The following VWF variants were observed in gnomAD, a reference collection of about 807,000 sequenced individuals.
The protein encoded by VWF is von Willebrand factor, also known as Factor VIII related antigen.
In VWF, 176 loss-of-function variants were observed where a neutral mutation model predicts 308.6. That is an observed-to-expected ratio of 0.57 (90% CI 0.50 to 0.65). VWF has a LOEUF of 0.65. Ranked by LOEUF, VWF falls within the 30% of genes least tolerant of loss-of-function variation. The pLI is 0.00. For missense variants in VWF, 3,146 were observed against 3,648.2 expected, an observed-to-expected ratio of 0.86 and a Z score of 3.55; for synonymous variants, 1,385 against 1,443.4, an observed-to-expected ratio of 0.96 and a Z score of 0.92.
At chr12:6,103,425 T>TACAC (rs568697875) in intron 5 of VWF, among the ~76,000 whole-genome samples, 1 of 118,162 alleles carries the variant, frequency 8.5e-6, no homozygotes, top group African/African-American at 5.2e-5. Context: ...CGTGTGTGTA[T>TACAC]ACACACGTGT....
In VWF at chr12:5,971,698, G is replaced by C; in HGVS notation, c.7449C>G (p.Tyr2483Ter). 2 of 1,614,148 alleles carry C rather than the reference G, an allele frequency of 1.2e-6. No homozygotes were observed. Among genetic ancestry groups the C allele is most frequent in the Non-Finnish European group, 1.7e-6 (2 of 1,180,002 alleles). ...CACAGCACTCGCCTTCATGCAGAAC[G>C]TAAGTGAAGCCCTGGAAAAGCAGAA... ...CEDSCRSGFT[Y>*]VLHEGECCGR... The change falls in exon 44 of 52, where the codon TAC (tyrosine) becomes TAG (stop). Residue 2483 changes from tyrosine (Y) to a stop codon, truncating the protein, a stop_gained. Transcript: ENST00000261405. LOFTEE classifies it high-confidence loss of function.
At chr12:5,972,111 C>A (rs1278312047) in intron 43 of VWF, among the ~76,000 whole-genome samples, 1 of 152,232 alleles carries the variant, frequency 6.6e-6, no homozygotes, top group Non-Finnish European at 1.5e-5. Flanking sequence ...TCTCGCAGGG[C>A]TAGCCTCCCA....
At chr12:5,998,890 G>A (rs931525590) in intron 34 of VWF, among the ~76,000 whole-genome samples, 1 of 152,032 alleles carries the variant, frequency 6.6e-6, no homozygotes, top group Non-Finnish European at 1.5e-5. Flanking sequence ...CACCACACCT[G>A]GCTAACTTTT....
At chr12:6,095,866 A>C in intron 5 of VWF, 1 of 416,872 alleles carries the variant, frequency 2.4e-6, no homozygotes, top group Non-Finnish European at 4.5e-6. Flanking sequence ...AGGCCCCCAT[A>C]TTGATGCATA....
intron 47 of VWF, among the ~76,000 whole-genome samples, chr12:5,957,778 T>C (rs1013815473): frequency 6.6e-6 from 1 of 152,114 alleles, no homozygotes; most frequent in Non-Finnish European, 1.5e-5. Context: ...TGATATAATA[T>C]GGAAATTCAG....
chr12:5,962,241 A>G (rs1036864718), intron 47 of VWF, among the ~76,000 whole-genome samples: 12 of 152,312 alleles, frequency 7.9e-5, no homozygotes, highest in African/African-American at 1.7e-4. Flanking sequence ...GAAAAACTCA[A>G]CCTTGTCTAG....
chr12:6,074,560 C>T lies in VWF; in HGVS notation c.874+775G>A, dbSNP rs560832731. 1.6e-4 allele frequency among the ~76,000 whole-genome samples: 24 copies of T among 151,942 alleles called. 1 individual carries two copies. In the South Asian group the frequency reaches 4.6e-3, roughly 29 times the overall value. On this transcript the variant is annotated intron_variant, in intron 7 of 51. Transcript: ENST00000261405. ...AAACCAGCTGCTAGCATCCTCCTTCCTCACACCCCCACCACAGGCAGAAAG... is the reference window on the plus strand; with the variant it reads ...AAACCAGCTGCTAGCATCCTCCTTCTTCACACCCCCACCACAGGCAGAAAG...
In VWF at chr12:6,012,899, C is replaced by CACTGTGTTA. The variant is rs756852345; in HGVS notation, c.5620+573_5620+581dup. Among the ~76,000 whole-genome samples, 12 of 152,128 alleles carry CACTGTGTTA rather than the reference C, an allele frequency of 7.9e-5. No individual in the cohort carries two copies. The South Asian group carries it at 2.5e-3, about 32-fold the overall frequency. On this transcript the variant is annotated intron_variant, in intron 32 of 51. Transcript: ENST00000261405. ...TGTATTTTTAGTAGAGACAGGGTTT[C>CACTGTGTTA]ACTGTGTTAGCCAAGATGGTCTCGA...
intron 6 of VWF, among the ~76,000 whole-genome samples, chr12:6,093,035 C>T (rs969522810): frequency 1.3e-5 from 2 of 151,950 alleles, no homozygotes; most frequent in Non-Finnish European, 2.9e-5. Context: ...TCCCAGCCTG[C>T]AGGATGGCCA....
intron 47 of VWF, among the ~76,000 whole-genome samples, chr12:5,962,637 GGTTCAAGT>G (rs60444970): frequency 0.54 from 80,727 of 148,534 alleles, 24,728 homozygotes; most frequent in African/African-American, 0.83. Flanking sequence ...CTGCCCCCTG[GGTTCAAGT>G]GTTCAAGTGA....
At chr12:5,964,516 C>A (rs1191449252) in intron 47 of VWF, among the ~76,000 whole-genome samples, 1 of 152,094 alleles carries the variant, frequency 6.6e-6, no homozygotes, top group Non-Finnish European at 1.5e-5. Flanking sequence ...CTCATTTTGC[C>A]ACATTTAGTG....
chr12:6,057,941 A>C lies in VWF; in HGVS notation c.1637T>G (p.Val546Gly). ...LTPSGLAEPR[V>G]EDFGNAWKLH... ...CTTCCAGGCGTTCCCGAAGTCCTCC[A>C]CCCGGGGCTCCGCCAGCCCAGAGGG... Residue 546 changes from valine (V) to glycine (G), a missense_variant, in exon 14 of 52, where the codon GTG becomes GGG. This residue lies in a region of VWF where 1,304 missense variants were observed against 1,353.0 expected (regional missense o/e 0.96). Coordinates refer to ENST00000261405, the MANE Select transcript of VWF (RefSeq NM_000552.5). The C allele has an allele frequency of 1.2e-6, 2 of 1,613,600 alleles. No individual in the cohort carries two copies. The highest frequency in any genetic ancestry group is 2.2e-5 in the South Asian group (2 of 91,082).
At chr12:6,051,643 T>G (rs1944514247) in intron 16 of VWF, among the ~76,000 whole-genome samples, 1 of 152,198 alleles carries the variant, frequency 6.6e-6, no homozygotes, top group Non-Finnish European at 1.5e-5. Flanking sequence ...TGGATTTCCC[T>G]CTGTCGCCCG....
intron 21 of VWF, among the ~76,000 whole-genome samples, chr12:6,030,611 C>T (rs1944250611): frequency 6.6e-6 from 1 of 152,190 alleles, no homozygotes; most frequent in Non-Finnish European, 1.5e-5. Flanking sequence ...GTCAGAATCT[C>T]AGCATGGAGT....
At chr12:5,953,631 C>T in intron 47 of VWF, 37 bp from the exon 48 acceptor site, 1 of 1,535,918 alleles carries the variant, frequency 6.5e-7, no homozygotes, top group Non-Finnish European at 9.0e-7. Context: ...CATAGTTAAC[C>T]TCCTTAAAAC....
chr12:6,005,237 C>A (rs1441436027), intron 34 of VWF, among the ~76,000 whole-genome samples: 2 of 151,938 alleles, frequency 1.3e-5, no homozygotes, highest in Non-Finnish European at 2.9e-5. Context: ...GTAATTAAGA[C>A]AATGTGGTTT....
In VWF at chr12:5,983,132, C is replaced by T. The variant is rs767664574; in HGVS notation, c.7081+18G>A. 3 of 1,611,464 alleles carry T rather than the reference C, an allele frequency of 1.9e-6. No individual in the cohort carries two copies. Among genetic ancestry groups the T allele is most frequent in the Non-Finnish European group, 1.7e-6 (2 of 1,178,806 alleles). On this transcript the variant is annotated intron_variant, in intron 41 of 51. Coordinates refer to ENST00000261405, the MANE Select transcript of VWF (RefSeq NM_000552.5). ...AGAGAGAGGCCACACCACCCCTCCT[C>T]ATCCACAGAGGCCTTACCGCAGGTG...
chr12:6,057,813 C>T, intron 14 of VWF, 36 bp downstream of exon 14: 2 of 1,576,008 alleles, frequency 1.3e-6, no homozygotes, highest in Non-Finnish European at 1.7e-6. Context: ...CCTCGAGATT[C>T]TGCGAGGTCC....
chr12:5,959,320 T>C (rs1943284773), intron 47 of VWF, among the ~76,000 whole-genome samples: 1 of 152,132 alleles, frequency 6.6e-6, no homozygotes. Flanking sequence ...TCATAATATA[T>C]GAAGCAAAAA....
Sources: gnomAD v4.1 joint callset for allele counts (sites outside exome capture counted in the v4.1 genomes callset) on GRCh38, gnomAD v4.1.1 for gene constraint, gnomAD v4.1.1 regional missense constraint, MANE v1.5 for transcripts, NCBI Gene and HGNC (gene_info 2026-07-23, HGNC 2026-07-21) for gene names.